Variants in TRPM7 observed in about 807,000 individuals in gnomAD.
TRPM7 encodes transient receptor potential cation channel subfamily M member 7.
A neutral mutation model predicts 229.7 loss-of-function variants in TRPM7; 134 were observed. That is an observed-to-expected ratio of 0.58 (90% CI 0.51 to 0.67). The LOEUF is 0.67. Ranked by LOEUF, TRPM7 falls within the 30% of genes least tolerant of loss-of-function variation. The probability of loss-of-function intolerance (pLI) is 0.00; values close to 1 mark genes in which losing one functional copy is unlikely to be tolerated. For synonymous variants in TRPM7, 699 were observed against 715.2 expected (o/e 0.98, Z 0.36); for missense variants, 1,901 against 2,210.0 (o/e 0.86, Z 2.80).
intron 38 of TRPM7, among the ~76,000 whole-genome samples, chr15:50,562,974 C>T (rs1314792396): frequency 2.0e-5 from 3 of 152,076 alleles, no homozygotes; most frequent in Non-Finnish European, 4.4e-5. Flanking sequence ...GGGTTAACTG[C>T]AAAGACTGTC....
rs760604838 is a variant in TRPM7 at position 50,592,158 on chromosome 15, A to G, written c.4077T>C (p.Ala1359=). 80 of 1,613,906 alleles carry G rather than the reference A, an allele frequency of 5.0e-5. No homozygotes were observed. The highest frequency in any genetic ancestry group is 6.5e-5 in the Non-Finnish European group (77 of 1,179,960). The change falls in exon 26 of 39, where the codon GCT becomes GCC. Residue 1359 remains alanine, a synonymous_variant. Transcript: ENST00000646667. ...GSSSGALFPS[A]VSPPELRQRL... ...TCTGTCGCAGTTCTGGAGGGGAAAC[A>G]GCACTTGGGAATAAGGCACCAGAAG...
intron 1 of TRPM7, among the ~76,000 whole-genome samples, chr15:50,679,538 A>ATATATTTTTTTTTTTTTTT (rs1400383980): frequency 4.6e-5 from 2 of 43,904 alleles, no homozygotes; most frequent in African/African-American, 2.1e-4. Flanking sequence ...ATATATATAT[A>ATATATTTTTTTTTTTTTTT]TTTTTTTTTT....
chr15:50,631,268 A>G, intron 10 of TRPM7, 149 bp downstream of exon 10: 1 of 430,474 alleles, frequency 2.3e-6, no homozygotes, highest in South Asian at 9.2e-5. Context: ...GTCTTTCACA[A>G]AGAAAAATGA....
Position 50,609,833 on chromosome 15 carries a change from A to C in TRPM7, c.2409T>G (p.Phe803Leu). The C allele has an allele frequency of 1.2e-6, 2 of 1,612,860 alleles. No homozygotes were observed. The highest frequency in any genetic ancestry group is 2.2e-5 in the South Asian group (2 of 90,778). The change falls in exon 18 of 39, where the codon TTT becomes TTG. Residue 803 changes from phenylalanine to leucine, a missense_variant. Physicochemically the swap from Phe to Leu is conservative, Grantham distance 22. Transcript: ENST00000646667. ...TGGGGATCTCTTCTGTTATGTTCTG[A>C]AAGTTGTTTTCGCTGTCATCCATTG... ...QMTMDDSENN[F>L]QNITEEIPME... is the part of the protein sequence containing the mutation.
chr15:50,634,116 C>T (rs1451723725), intron 8 of TRPM7, among the ~76,000 whole-genome samples: 2 of 151,764 alleles, frequency 1.3e-5, no homozygotes, highest in South Asian at 2.1e-4. Flanking sequence ...GTCAGGAGTT[C>T]AAGACTAGCC....
At chr15:50,667,948 C>T (rs563777163) in intron 1 of TRPM7, among the ~76,000 whole-genome samples, 1 of 152,196 alleles carries the variant, frequency 6.6e-6, no homozygotes, top group African/African-American at 2.4e-5. Flanking sequence ...ATGAAAAGCT[C>T]CTATAATTCT....
chr15:50,638,380 A>G (rs1008812021), intron 6 of TRPM7, among the ~76,000 whole-genome samples: 15 of 139,638 alleles, frequency 1.1e-4, no homozygotes, highest in Admixed American at 1.4e-4. Flanking sequence ...AAAAAAAAAA[A>G]AAAAAAAAAA....
rs370470588 is a variant in TRPM7 at position 50,593,669 on chromosome 15, C to T, written c.3556G>A (p.Asp1186Asn). The T allele has an allele frequency of 6.8e-6, 11 of 1,611,798 alleles. No individual in the cohort carries two copies. The East Asian group carries it at 8.9e-5, about 13-fold the overall frequency. The change falls in exon 25 of 39, where the codon GAT becomes AAT. Residue 1186 changes from aspartate (D) to asparagine (N), a missense_variant. Coordinates refer to ENST00000646667, the MANE Select transcript of TRPM7 (RefSeq NM_017672.6). ...QCVEMYFNEKDDKFHSGSEER... is the reference protein window; with the variant it reads ...QCVEMYFNEKNDKFHSGSEER... ...TCACTCCCAGAATGAAATTTGTCAT[C>T]TTTTTCATTGAAATACATTTCAACA...
chr15:50,686,313 C>A (rs2062359305), intron 1 of TRPM7, among the ~76,000 whole-genome samples: 1 of 152,200 alleles, frequency 6.6e-6, no homozygotes, highest in Non-Finnish European at 1.5e-5. Context: ...GGGATTCCCG[C>A]GAAGAGGTGT....
At chr15:50,566,289 A>C (rs1566930988) in intron 38 of TRPM7, among the ~76,000 whole-genome samples, 1 of 152,236 alleles carries the variant, frequency 6.6e-6, no homozygotes, top group East Asian at 1.9e-4. Context: ...ATAACAACTG[A>C]AATTATAATT....
chr15:50,677,469 G>A lies in TRPM7; in HGVS notation c.3+9062C>T, dbSNP rs151098750. Among the ~76,000 whole-genome samples the A allele has an allele frequency of 4.1e-3, 616 of 151,902 alleles. 5 individuals carry two copies. The highest frequency in any genetic ancestry group is 0.014 in the African/African-American group (582 of 41,414). On this transcript the variant is annotated intron_variant, in intron 1 of 38. Coordinates refer to ENST00000646667, the MANE Select transcript of TRPM7 (RefSeq NM_017672.6). ...AAAAGAGAACCCAGAGGCTGGGCGT[G>A]GTGGCTCACACCTATAATCCCAGCA...
In TRPM7 at chr15:50,686,679, C is replaced by T. The variant is rs1344792725; in HGVS notation, c.-146G>A. Reference sequence around the variant, plus strand: ...CCCAGGGAAACCTTCTCAGAACTAACTCAGCTCCGGCGCTAGCAGCAGAAG... The same window carrying T: ...CCCAGGGAAACCTTCTCAGAACTAATTCAGCTCCGGCGCTAGCAGCAGAAG... On this transcript the variant is annotated 5_prime_UTR_variant, in exon 1 of 39. Transcript: ENST00000646667. The T allele has an allele frequency of 1.1e-5, 12 of 1,071,496 alleles. No homozygotes were observed. The highest frequency in any genetic ancestry group is 1.6e-5 in the African/African-American group (1 of 61,200). 66.4% of individuals were successfully genotyped at this position (1,071,496 alleles called of 1,614,324 possible). A position where few individuals can be genotyped will look rare whatever the true frequency, so the allele number is the denominator to read the frequency against.
In TRPM7 at chr15:50,657,793, T is replaced by TG. The variant is rs2061614830; in HGVS notation, c.109dup (p.Gln37ProfsTer33). 4.3e-6 allele frequency: 7 copies of TG among 1,611,686 alleles called. No homozygotes were observed. The highest frequency in any genetic ancestry group is 1.3e-5 in the African/African-American group (1 of 74,848). On this transcript the variant is annotated frameshift_variant, in exon 3 of 39. Coordinates refer to ENST00000646667, the MANE Select transcript of TRPM7 (RefSeq NM_017672.6). LOFTEE classifies it high-confidence loss of function. ...ATGTTAAACTTACCTGACGAGTTGC[T>TG]GACAAATTTGACATCCTGGAAGGCA...
chr15:50,636,973 C>G (rs1419984697), intron 7 of TRPM7, among the ~76,000 whole-genome samples: 1 of 151,870 alleles, frequency 6.6e-6, no homozygotes, highest in Non-Finnish European at 1.5e-5. Flanking sequence ...ACTAAAAATA[C>G]AAATTAGCTG....
Position 50,619,734 on chromosome 15 carries a change from T to A in TRPM7, c.1494+11A>T. On this transcript the variant is annotated intron_variant, in intron 13 of 38. Coordinates refer to ENST00000646667, the MANE Select transcript of TRPM7 (RefSeq NM_017672.6). ...AATAACATTTTTCAAAAGCAAAAAATAATCTCTTACCTGTTTGACGTCTCG... is the reference window on the plus strand; with the variant it reads ...AATAACATTTTTCAAAAGCAAAAAAAAATCTCTTACCTGTTTGACGTCTCG... The A allele has an allele frequency of 1.3e-6, 2 of 1,562,344 alleles. No homozygotes were observed. The highest frequency in any genetic ancestry group is 2.3e-5 in the East Asian group (1 of 43,354).
At chr15:50,639,733 AT>A (rs553888440) in intron 5 of TRPM7, among the ~76,000 whole-genome samples, 185 bp from the exon 6 acceptor site, 1,815 of 140,124 alleles carry the variant, frequency 0.013, 35 homozygotes, top group African/African-American at 0.04. Context: ...CAGCCGGCTA[AT>A]TTTTTTTTTT....
chr15:50,569,218 G>A (rs1297649376), intron 38 of TRPM7, among the ~76,000 whole-genome samples: 1 of 151,954 alleles, frequency 6.6e-6, no homozygotes, highest in Non-Finnish European at 1.5e-5. Context: ...TTTTTTTAAA[G>A]TTCCACAGGG....
At chr15:50,678,758 A>AG (rs1226761242) in intron 1 of TRPM7, among the ~76,000 whole-genome samples, 1 of 152,156 alleles carries the variant, frequency 6.6e-6, no homozygotes, top group Admixed American at 6.6e-5. Context: ...GGCCAGGTGC[A>AG]GTGGCTTATG....
intron 38 of TRPM7, among the ~76,000 whole-genome samples, chr15:50,563,894 TTGTTG>T (rs2053443497): frequency 6.6e-6 from 1 of 152,066 alleles, no homozygotes; most frequent in African/African-American, 2.4e-5. Flanking sequence ...CAAGGTCTTG[TTGTTG>T]CCCAGGCTGA....
Sources: gnomAD v4.1 joint callset for allele counts (sites outside exome capture counted in the v4.1 genomes callset) on GRCh38, gnomAD v4.1.1 for gene constraint, MANE v1.5 for transcripts, NCBI Gene and HGNC (gene_info 2026-07-23, HGNC 2026-07-21) for gene names.